Variants in TMEM192 observed in about 807,000 individuals in gnomAD.
TMEM192 encodes transmembrane protein 192.
TMEM192 carries 20 observed loss-of-function variants against 26.7 expected under a neutral mutation model. The ratio of observed to expected loss-of-function variants is 0.75; its 90% CI spans 0.53 to 1.09. The LOEUF (loss-of-function observed/expected upper bound fraction) is 1.09, where lower values mean the gene tolerates loss of function less well. Among genes scored for constraint, TMEM192 ranks in the 50% least tolerant of loss-of-function variants. TMEM192 has a pLI of 0.00. For synonymous variants in TMEM192, 124 were observed against 121.0 expected (o/e 1.02, Z -0.16); for missense variants, 304 against 322.6 (o/e 0.94, Z 0.44).
Position 165,092,266 on chromosome 4 carries a change from C to T in TMEM192, c.440-3664G>A, listed in dbSNP as rs1259928144. Among the ~76,000 whole-genome samples, 5 of 151,882 alleles carry T rather than the reference C, an allele frequency of 3.3e-5. No homozygotes were observed. The East Asian group carries it at 5.8e-4, about 18-fold the overall frequency. ...CCTCCTGAGCAGCTGGGATTACTGG[C>T]ATGTGCCATCATGTCCAGCTAATTT... On this transcript the variant is annotated intron_variant, in intron 3 of 5. Coordinates refer to ENST00000306480, the MANE Select transcript of TMEM192 (RefSeq NM_001100389.2).
In TMEM192 at chr4:165,079,637, G is replaced by T. The variant is rs925890331; in HGVS notation, c.*21C>A. 1.3e-6 allele frequency: 2 copies of T among 1,595,638 alleles called. No homozygotes were observed. Among genetic ancestry groups the T allele is most frequent in the African/African-American group, 1.3e-5 (1 of 74,172 alleles). On this transcript the variant is annotated 3_prime_UTR_variant, in exon 6 of 6. Coordinates refer to ENST00000306480, the MANE Select transcript of TMEM192 (RefSeq NM_001100389.2). ...AATTACTCTGGGTTCCTCTGCAATT[G>T]CTGTCATGACCGTGAGCCTCTCACG...
At chr4:165,107,051 G>A (rs1276927039) in intron 1 of TMEM192, among the ~76,000 whole-genome samples, 2 of 150,648 alleles carry the variant, frequency 1.3e-5, no homozygotes, top group African/African-American at 4.9e-5. Flanking sequence ...TTGAGACAGA[G>A]TCTTGCTCTG....
At position 165,085,590 on chromosome 4, in the gene TMEM192, A is replaced by C. The variant is rs747625875; in HGVS notation, c.673T>G (p.Phe225Val). ...YPSNITSETGFRTISSLEEIV... is the reference protein window; with the variant it reads ...YPSNITSETGVRTISSLEEIV... ...TTATTCTCACCTAAATCTTACCTGA[A>C]TCCAGTCTCCGAGGTAATATTGCTG... Residue 225 changes from phenylalanine to valine, a missense_variant, in exon 5 of 6, where the codon TTC (phenylalanine) becomes GTC (valine). By Grantham distance (50) the Phe-to-Val change is conservative. Transcript: ENST00000306480. 3 of 1,603,064 alleles carry C rather than the reference A, an allele frequency of 1.9e-6. No homozygotes were observed. The highest frequency in any genetic ancestry group is 2.7e-5 in the African/African-American group (2 of 74,412).
intron 3 of TMEM192, 119 bp downstream of exon 3, chr4:165,100,509 A>G (rs910953923): frequency 2.0e-5 from 25 of 1,221,910 alleles, no homozygotes; most frequent in Non-Finnish European, 2.7e-5. Flanking sequence ...GTCAGAACAC[A>G]CATCAACCTT....
intron 3 of TMEM192, among the ~76,000 whole-genome samples, chr4:165,095,099 C>T (rs1018848216): frequency 2.0e-5 from 3 of 152,092 alleles, no homozygotes; most frequent in Non-Finnish European, 4.4e-5. Flanking sequence ...TGCCTGGGCT[C>T]CAGTGTAGGA....
chr4:165,108,112 C>CTTTTT (rs755013001), intron 1 of TMEM192, among the ~76,000 whole-genome samples: 1 of 91,174 alleles, frequency 1.1e-5, no homozygotes, highest in African/African-American at 5.2e-5. Flanking sequence ...TCTGTATTCC[C>CTTTTT]TTTTTTTTTT....
At chr4:165,098,124 C>T (rs368597777) in intron 3 of TMEM192, among the ~76,000 whole-genome samples, 3 of 151,106 alleles carry the variant, frequency 2.0e-5, no homozygotes, top group Non-Finnish European at 2.9e-5. Flanking sequence ...CCACCGTGCC[C>T]GGCCTTAATT....
At position 165,102,940 on chromosome 4, in the gene TMEM192, G is replaced by A; in HGVS notation, c.174+10C>T. ...CCTCTGGATAGGTCCCCTTCTTGCA[G>A]CCAACTTACATGAATAAACCACAGA... On this transcript the variant is annotated intron_variant, in intron 2 of 5. Transcript: ENST00000306480. 6.2e-7 allele frequency: 1 copy of A among 1,606,448 alleles called. No individual in the cohort carries two copies. The highest frequency in any genetic ancestry group is 8.5e-7 in the Non-Finnish European group (1 of 1,176,702).
intron 5 of TMEM192, among the ~76,000 whole-genome samples, chr4:165,080,442 GATGATA>G (rs1734493789): frequency 6.6e-6 from 1 of 152,092 alleles, no homozygotes; most frequent in Non-Finnish European, 1.5e-5. Flanking sequence ...GAATAGTGAT[GATGATA>G]ATGATAATGA....
intron 4 of TMEM192, among the ~76,000 whole-genome samples, chr4:165,087,821 A>C (rs1221616651): frequency 1.3e-5 from 2 of 152,190 alleles, no homozygotes; most frequent in East Asian, 1.9e-4. Context: ...GACATGAGCC[A>C]CTGTGCCTGG....
chr4:165,086,671 C>T (rs1194121145), intron 4 of TMEM192, among the ~76,000 whole-genome samples: 3 of 152,022 alleles, frequency 2.0e-5, no homozygotes, highest in East Asian at 1.9e-4. Flanking sequence ...GTGATCCACC[C>T]GCTGAGGCCT....
chr4:165,079,526 T>G lies in TMEM192; in HGVS notation c.*132A>C. On this transcript the variant is annotated 3_prime_UTR_variant, in exon 6 of 6. Coordinates refer to ENST00000306480, the MANE Select transcript of TMEM192 (RefSeq NM_001100389.2). ...AACAGCCACAGAAGTCAGAACCAAA[T>G]TCAGGTTTCCAACAAACACTGTAAA... The G allele has an allele frequency of 9.4e-7, 1 of 1,067,914 alleles. No homozygotes were observed. The highest frequency in any genetic ancestry group is 1.3e-6 in the Non-Finnish European group (1 of 778,868). 66.2% of individuals were successfully genotyped at this position (1,067,914 alleles called of 1,614,324 possible).
chr4:165,101,021 G>C, intron 2 of TMEM192, 129 bp from the exon 3 acceptor site: 3 of 1,024,504 alleles, frequency 2.9e-6, no homozygotes, highest in Non-Finnish European at 4.0e-6. Context: ...CTGTCGCCCA[G>C]GCTGGAGTGC....
chr4:165,112,081 T>TTTTTTG (rs1191656077), intron 1 of TMEM192, among the ~76,000 whole-genome samples: 1 of 152,252 alleles, frequency 6.6e-6, no homozygotes, highest in Non-Finnish European at 1.5e-5. Context: ...GGTTTTTTGT[T>TTTTTTG]TTTTTGTTTT....
At chr4:165,089,892 C>CA (rs1734714146) in intron 3 of TMEM192, among the ~76,000 whole-genome samples, 1 of 151,980 alleles carries the variant, frequency 6.6e-6, no homozygotes, top group Non-Finnish European at 1.5e-5. Flanking sequence ...TATAGAGTTC[C>CA]TAAAACCCTT....
rs70952697 is a variant in TMEM192, at chr4:165,075,245, CTTTTTTT to C, written c.*4406_*4412del. The C allele has an allele frequency of 1.4e-5, 2 of 142,590 alleles. No homozygotes were observed. The highest frequency in any genetic ancestry group is 3.0e-5 in the Non-Finnish European group (2 of 65,770). 8.8% of individuals were successfully genotyped at this position (142,590 alleles called of 1,614,324 possible). On this transcript the variant is annotated 3_prime_UTR_variant, in exon 6 of 6. Transcript: ENST00000306480. ...AAATACAATTTTTTTTCTTTTCTTT[CTTTTTTT>C]TTTTTTGTGATGGAGTCTCGCTCTG...
intron 1 of TMEM192, among the ~76,000 whole-genome samples, chr4:165,104,003 A>G (rs556829467): frequency 6.6e-6 from 1 of 152,258 alleles, no homozygotes; most frequent in African/African-American, 2.4e-5. Context: ...GCAAGCTGCA[A>G]TTCCAGCTAC....
intron 3 of TMEM192, among the ~76,000 whole-genome samples, chr4:165,096,102 ACATT>A (rs1734893158): frequency 6.6e-6 from 1 of 151,668 alleles, no homozygotes; most frequent in Non-Finnish European, 1.5e-5. Flanking sequence ...TGGCCCAAAT[ACATT>A]TTGAACTCAA....
intron 1 of TMEM192, 30 bp downstream of exon 1, chr4:165,112,717 G>A (rs777204649): frequency 1.7e-5 from 27 of 1,607,740 alleles, no homozygotes; most frequent in Admixed American, 3.3e-5. Context: ...GGATTCCGGG[G>A]CCAACCGCCC....
Sources: gnomAD v4.1 joint callset for allele counts (sites outside exome capture counted in the v4.1 genomes callset) on GRCh38, gnomAD v4.1.1 for gene constraint, MANE v1.5 for transcripts, NCBI Gene and HGNC (gene_info 2026-07-23, HGNC 2026-07-21) for gene names.